The following ZNF487 variants were observed in gnomAD, a reference collection of about 807,000 sequenced individuals.
ZNF487 encodes KRAB domain only 1.
A neutral mutation model predicts 3.0 loss-of-function variants in ZNF487; 4 were observed. The ratio of observed to expected loss-of-function variants is 1.35; its 90% CI spans 0.66 to 3.08. The LOEUF is 3.08. ZNF487 is among the 30% of genes most tolerant of loss of function. The probability of loss-of-function intolerance (pLI) is 0.01; values close to 1 mark genes in which losing one functional copy is unlikely to be tolerated. For missense variants in ZNF487, 146 were observed against 98.7 expected (o/e 1.48, Z -2.03); for synonymous variants, 55 against 34.6 (o/e 1.59, Z -2.06).
chr10:43,481,054 T>C (rs1423356403), intron 3 of ZNF487, among the ~76,000 whole-genome samples: 1 of 152,042 alleles, frequency 6.6e-6, no homozygotes, highest in African/African-American at 2.4e-5. Flanking sequence ...GTGGATTTCT[T>C]GAGCCCAGGA....
rs1382631529 is a variant in ZNF487 at position 43,456,582 on chromosome 10, A to ATTTTTC, written c.-93-19128_-93-19123dup. Among the ~76,000 whole-genome samples the ATTTTTC allele has an allele frequency of 1.2e-4, 19 of 152,008 alleles. 1 individual carries two copies. The East Asian group carries it at 1.9e-3, about 15-fold the overall frequency. On this transcript the variant is annotated intron_variant, in intron 1 of 3. Transcript: ENST00000437590. The stretch of plus-strand genomic sequence containing the variant: ...AAATATTACTACCTCTAAGAAAATT[A>ATTTTTC]TTTTTCTTTTTCTTTTGAGATGGAG...
chr10:43,484,887 T>C (rs1442316411), downstream of ZNF487, among the ~76,000 whole-genome samples: 2 of 152,214 alleles, frequency 1.3e-5, no homozygotes, highest in Non-Finnish European at 2.9e-5. Context: ...ATTGTTTGTA[T>C]TTTAAATTTT....
chr10:43,495,569 G>C, the ZNF487 span, among the ~76,000 whole-genome samples: 1 of 152,086 alleles, frequency 6.6e-6, no homozygotes, highest in Non-Finnish European at 1.5e-5. Context: ...GATGTGTGAG[G>C]ACTCAATGCG....
chr10:43,489,157 T>C, the ZNF487 span, among the ~76,000 whole-genome samples: 111 of 151,468 alleles, frequency 7.3e-4, no homozygotes, highest in African/African-American at 2.6e-3. Context: ...TACATCAACA[T>C]ATTTAACTTG....
chr10:43,446,653 G>A (rs563753273), intron 1 of ZNF487, among the ~76,000 whole-genome samples: 1 of 151,374 alleles, frequency 6.6e-6, no homozygotes, highest in African/African-American at 2.4e-5. Flanking sequence ...GGGCAGAGAC[G>A]CTCCTCTCTT....
the ZNF487 span, among the ~76,000 whole-genome samples, chr10:43,498,099 A>ATTTTTTT: frequency 6.9e-4 from 14 of 20,184 alleles, no homozygotes; most frequent in African/African-American, 9.7e-4. Flanking sequence ...ATATATATAT[A>ATTTTTTT]TTTTTTTTTT....
intron 1 of ZNF487, among the ~76,000 whole-genome samples, chr10:43,455,923 G>A (rs1434426917): frequency 6.6e-6 from 1 of 152,262 alleles, no homozygotes; most frequent in African/African-American, 2.4e-5. Context: ...AGCACAGTCC[G>A]GGAGCTGGAC....
the ZNF487 span, among the ~76,000 whole-genome samples, chr10:43,498,019 G>A: frequency 7.2e-6 from 1 of 139,338 alleles, no homozygotes; most frequent in Admixed American, 7.3e-5. Context: ...GAGAGAGAGA[G>A]AGAGAGACAT....
Position 43,481,854 on chromosome 10 carries a change from G to C in ZNF487, c.556G>C (p.Gly186Arg). 1.4e-6 allele frequency: 1 copy of C among 702,326 alleles called. No homozygotes were observed. Among genetic ancestry groups the C allele is most frequent in the Non-Finnish European group, 2.6e-6 (1 of 384,824 alleles). 43.5% of individuals were successfully genotyped at this position (702,326 alleles called of 1,614,324 possible). A position where few individuals can be genotyped will look rare whatever the true frequency, so the allele number is the denominator to read the frequency against. ...LKQCFEYNQC[G>R]KAFHEEAACS... ...GCAGTGTTTTGAATACAATCAGTGTGGGAAGGCTTTTCATGAAGAGGCAGC... is the reference window on the plus strand; with the variant it reads ...GCAGTGTTTTGAATACAATCAGTGTCGGAAGGCTTTTCATGAAGAGGCAGC... Residue 186 changes from glycine (G) to arginine (R), a missense_variant, in exon 4 of 4, where the codon GGG (glycine) becomes CGG (arginine). Physicochemically the swap from Gly to Arg is moderately radical, Grantham distance 125. Coordinates refer to ENST00000437590, the MANE Select transcript of ZNF487 (RefSeq NM_001355444.3).
chr10:43,491,654 A>G, the ZNF487 span, among the ~76,000 whole-genome samples: 4 of 151,776 alleles, frequency 2.6e-5, no homozygotes, highest in South Asian at 2.1e-4. Flanking sequence ...GTCTTTGCAA[A>G]TGGCACCTGG....
the ZNF487 span, among the ~76,000 whole-genome samples, chr10:43,500,637 G>A: frequency 6.6e-6 from 1 of 151,640 alleles, no homozygotes; most frequent in Non-Finnish European, 1.5e-5. Context: ...GAGTAGCTGG[G>A]ACCACAGGCG....
chr10:43,516,200 G>A, the ZNF487 span, among the ~76,000 whole-genome samples: 15 of 152,156 alleles, frequency 9.9e-5, no homozygotes, highest in African/African-American at 3.6e-4. Context: ...TAAACTCCTT[G>A]CCTGTCATGA....
rs537227828 is a variant in ZNF487 at position 43,457,124 on chromosome 10, A to G, written c.-93-18597A>G. 7.9e-5 allele frequency among the ~76,000 whole-genome samples: 12 copies of G among 152,284 alleles called. No individual in the cohort carries two copies. The South Asian group carries it at 2.5e-3, about 32-fold the overall frequency. On this transcript the variant is annotated intron_variant, in intron 1 of 3. Transcript: ENST00000437590. ...GAGGGGTGAATGTCCAGGTCATCCC[A>G]TTCATTAGCTACTCCAGAGGCTGAG... is the stretch of plus-strand genomic sequence containing the variant.
intron 1 of ZNF487, among the ~76,000 whole-genome samples, chr10:43,465,970 G>C (rs749274282): frequency 2.0e-5 from 3 of 152,220 alleles, no homozygotes; most frequent in Admixed American, 6.5e-5. Flanking sequence ...GGGATCACTC[G>C]CAGTTAGGAG....
At chr10:43,464,915 A>G (rs1840610404) in intron 1 of ZNF487, among the ~76,000 whole-genome samples, 1 of 151,714 alleles carries the variant, frequency 6.6e-6, no homozygotes, top group Admixed American at 6.6e-5. Flanking sequence ...GTGGCCGGGC[A>G]GAGGGGCTCC....
At chr10:43,512,471 G>T in the ZNF487 span, among the ~76,000 whole-genome samples, 1 of 152,208 alleles carries the variant, frequency 6.6e-6, no homozygotes, top group Non-Finnish European at 1.5e-5. Flanking sequence ...CAGGTGACTT[G>T]ATGACCCATA....
chr10:43,482,724 A>G lies in ZNF487; in HGVS notation c.*802A>G. The G allele has an allele frequency of 2.2e-6, 1 of 465,082 alleles. No homozygotes were observed. The highest frequency in any genetic ancestry group is 6.1e-5 in the East Asian group (1 of 16,330). 28.8% of individuals were successfully genotyped at this position (465,082 alleles called of 1,614,324 possible). A position where few individuals can be genotyped will look rare whatever the true frequency, so the allele number is the denominator to read the frequency against. On this transcript the variant is annotated 3_prime_UTR_variant, in exon 4 of 4. Coordinates refer to ENST00000437590, the MANE Select transcript of ZNF487 (RefSeq NM_001355444.3). ...GCCAAACTTCATTAATCATCAGTGA[A>G]CTCACACAGGAGAGAGACCCTTTGA... is the stretch of plus-strand genomic sequence containing the variant.
intron 1 of ZNF487, among the ~76,000 whole-genome samples, chr10:43,468,443 G>A (rs2132115698): frequency 6.6e-6 from 1 of 152,142 alleles, no homozygotes; most frequent in Non-Finnish European, 1.5e-5. Flanking sequence ...ACTTTTGGAG[G>A]CTGAGGCAGG....
At chr10:43,471,236 T>C (rs972410342) in intron 1 of ZNF487, among the ~76,000 whole-genome samples, 6 of 152,034 alleles carry the variant, frequency 3.9e-5, no homozygotes, top group African/African-American at 1.2e-4. Context: ...GAGTGCGGGA[T>C]CTGGCTGGCT....
Sources: allele counts gnomAD v4.1 joint callset (sites outside exome capture counted in the v4.1 genomes callset), GRCh38; gene constraint gnomAD v4.1.1; transcripts MANE v1.5; gene names NCBI Gene and HGNC (gene_info 2026-07-23, HGNC 2026-07-21).